Variants in KCNN3 observed in about 807,000 individuals in gnomAD.
KCNN3 encodes the protein small conductance calcium-activated potassium channel protein 3.
A neutral mutation model predicts 62.9 loss-of-function variants in KCNN3; 16 were observed. The ratio of observed to expected loss-of-function variants is 0.25; its 90% CI spans 0.17 to 0.39. KCNN3 has a LOEUF of 0.39. Among genes scored for constraint, KCNN3 ranks in the 10% least tolerant of loss-of-function variants. The pLI is 1.00. For missense variants in KCNN3, 599 were observed against 949.4 expected, an observed-to-expected ratio of 0.63 and a Z score of 4.85; for synonymous variants, 370 against 389.2, an observed-to-expected ratio of 0.95 and a Z score of 0.58.
At chr1:154,860,956 T>TTTG (rs1014624022) in intron 1 of KCNN3, among the ~76,000 whole-genome samples, 1 of 146,914 alleles carries the variant, frequency 6.8e-6, no homozygotes, top group East Asian at 2.0e-4. Context: ...CCCAAGTTTT[T>TTTG]TTTTTTTTTT....
intron 1 of KCNN3, among the ~76,000 whole-genome samples, chr1:154,829,798 T>G (rs1651309280): frequency 6.6e-6 from 1 of 152,114 alleles, no homozygotes; most frequent in African/African-American, 2.4e-5. Flanking sequence ...CAGGGTAACC[T>G]CAGCACCAGG....
At chr1:154,842,112 G>T (rs748085700) in intron 1 of KCNN3, among the ~76,000 whole-genome samples, 7 of 152,218 alleles carry the variant, frequency 4.6e-5, no homozygotes, top group Non-Finnish European at 2.9e-5. Context: ...ACTTCTTGCT[G>T]CCTGTGTGAC....
At chr1:154,845,672 C>G (rs927560786) in intron 1 of KCNN3, among the ~76,000 whole-genome samples, 3 of 152,026 alleles carry the variant, frequency 2.0e-5, no homozygotes, top group Admixed American at 2.0e-4. Context: ...GCCACATGAC[C>G]AGACCACCCC....
intron 3 of KCNN3, among the ~76,000 whole-genome samples, chr1:154,754,545 T>G (rs575721483): frequency 6.6e-6 from 1 of 152,334 alleles, no homozygotes; most frequent in South Asian, 2.1e-4. Context: ...CATGTGTTAC[T>G]TCGAGGAAAT....
At chr1:154,742,138 G>T (rs1216287986) in intron 3 of KCNN3, among the ~76,000 whole-genome samples, 4 of 152,214 alleles carry the variant, frequency 2.6e-5, no homozygotes, top group Non-Finnish European at 5.9e-5. Flanking sequence ...CTCCAAGCTT[G>T]CCTTGCACAC....
chr1:154,724,850 A>G (rs2101780615), intron 5 of KCNN3, among the ~76,000 whole-genome samples: 2 of 151,426 alleles, frequency 1.3e-5, no homozygotes, highest in East Asian at 3.9e-4. Context: ...GGGCTCTACT[A>G]GAATGATTCT....
At chr1:154,759,796 G>C (rs946426818) in intron 3 of KCNN3, among the ~76,000 whole-genome samples, 1 of 152,086 alleles carries the variant, frequency 6.6e-6, no homozygotes, top group Admixed American at 6.6e-5. Flanking sequence ...ACCCAGGTTT[G>C]GTGTAATGCA....
At chr1:154,813,405 G>A (rs1047303961) in intron 2 of KCNN3, among the ~76,000 whole-genome samples, 8 of 152,060 alleles carry the variant, frequency 5.3e-5, no homozygotes, top group Admixed American at 2.6e-4. Flanking sequence ...TCAGCCTCCC[G>A]GGCCGCCTCC....
At chr1:154,802,725 G>A (rs1650013419) in intron 2 of KCNN3, among the ~76,000 whole-genome samples, 1 of 152,134 alleles carries the variant, frequency 6.6e-6, no homozygotes, top group Admixed American at 6.5e-5. Context: ...CCTCCAGCCA[G>A]GGCTAGGCAT....
rs11459390 is a variant in KCNN3 at position 154,778,611 on chromosome 1, C to CTTTT, written c.1030-6222_1030-6219dup. Among the ~76,000 whole-genome samples the CTTTT allele has an allele frequency of 3.6e-3, 263 of 73,628 alleles. 2 individuals are homozygous for CTTTT. Among genetic ancestry groups the CTTTT allele is most frequent in the East Asian group, 6.8e-3 (15 of 2,212 alleles). The allele number at this position is 73,628 out of a possible 152,430, so 48.3% of individuals were successfully genotyped here. ...TTTCTCTCTCCCTCTCTCTCTGTCT[C>CTTTT]TTTTTTTTTTTTTTTTTTTTTTTTT... is the stretch of plus-strand genomic sequence containing the variant. On this transcript the variant is annotated intron_variant, in intron 2 of 7. Coordinates refer to ENST00000271915, the MANE Select transcript of KCNN3 (RefSeq NM_002249.6).
chr1:154,784,059 C>T (rs1482978358), intron 2 of KCNN3, among the ~76,000 whole-genome samples: 1 of 152,084 alleles, frequency 6.6e-6, no homozygotes, highest in East Asian at 1.9e-4. Flanking sequence ...TTTCCAAGCC[C>T]CCAGAGACCA....
chr1:154,773,306 T>A (rs1162483420), intron 2 of KCNN3, among the ~76,000 whole-genome samples: 1 of 152,254 alleles, frequency 6.6e-6, no homozygotes, highest in Non-Finnish European at 1.5e-5. Flanking sequence ...CCATGCGCCC[T>A]GCCCTTTGCT....
intron 3 of KCNN3, among the ~76,000 whole-genome samples, chr1:154,759,205 G>A (rs1647886155): frequency 6.6e-6 from 1 of 152,228 alleles, no homozygotes. Context: ...CCCCAAGCTG[G>A]CAGTGGAGGG....
chr1:154,761,832 C>A (rs1378573865), intron 3 of KCNN3, among the ~76,000 whole-genome samples: 6 of 151,936 alleles, frequency 3.9e-5, no homozygotes, highest in African/African-American at 1.5e-4. Context: ...TTCAGCTACT[C>A]GGGAGGCTGA....
chr1:154,778,595 C>G (rs1010849738), intron 2 of KCNN3, among the ~76,000 whole-genome samples: 9 of 150,966 alleles, frequency 6.0e-5, no homozygotes, highest in Non-Finnish European at 1.2e-4. Flanking sequence ...ATTTCTCTCT[C>G]CCTCTCTCTC....
chr1:154,815,651 T>C (rs943077353), intron 2 of KCNN3, among the ~76,000 whole-genome samples: 1 of 152,238 alleles, frequency 6.6e-6, no homozygotes, highest in Non-Finnish European at 1.5e-5. Flanking sequence ...AGTAAACGAA[T>C]GAATGGACTC....
intron 3 of KCNN3, among the ~76,000 whole-genome samples, chr1:154,766,518 C>CA (rs1264575588): frequency 6.9e-6 from 1 of 144,656 alleles, no homozygotes; most frequent in African/African-American, 2.5e-5. Flanking sequence ...GGTTATAACT[C>CA]AAACCAAAGC....
chr1:154,812,471 A>C (rs1174389204), intron 2 of KCNN3, among the ~76,000 whole-genome samples: 4 of 144,854 alleles, frequency 2.8e-5, no homozygotes, highest in East Asian at 2.0e-4. Context: ...ATGTGTTCTC[A>C]TTGTTCAATC....
chr1:154,835,264 T>C (rs1459850678), intron 1 of KCNN3, among the ~76,000 whole-genome samples: 1 of 152,264 alleles, frequency 6.6e-6, no homozygotes, highest in African/African-American at 2.4e-5. Flanking sequence ...ATGCCTGTTA[T>C]CTGGCATAAT....
Sources: gnomAD v4.1 joint callset for allele counts (sites outside exome capture counted in the v4.1 genomes callset) on GRCh38, gnomAD v4.1.1 for gene constraint, MANE v1.5 for transcripts, NCBI Gene and HGNC (gene_info 2026-07-23, HGNC 2026-07-21) for gene names.